Variants in ATXN1 observed in about 807,000 individuals in gnomAD.
ATXN1 encodes ataxin 1.
ATXN1 carries 8 observed loss-of-function variants against 56.4 expected under a neutral mutation model. The ratio of observed to expected loss-of-function variants is 0.14; its 90% CI spans 0.08 to 0.26. ATXN1 has a LOEUF of 0.26. ATXN1 is among the 10% of genes least tolerant of loss of function. The pLI, the probability that ATXN1 is intolerant of heterozygous loss-of-function variation, is 1.00. For synonymous variants in ATXN1, 514 were observed against 494.6 expected (o/e 1.04, Z -0.52); for missense variants, 987 against 1,106.5 (o/e 0.89, Z 1.53).
At chr6:16,542,533 C>G (rs1761734936) in intron 4 of ATXN1, among the ~76,000 whole-genome samples, 1 of 152,196 alleles carries the variant, frequency 6.6e-6, no homozygotes, top group Non-Finnish European at 1.5e-5. Flanking sequence ...GTTTTTCACA[C>G]TGGGGCTCTC....
At chr6:16,613,257 G>A (rs868040217) in intron 3 of ATXN1, among the ~76,000 whole-genome samples, 71 of 122,846 alleles carry the variant, frequency 5.8e-4, no homozygotes, top group African/African-American at 2.0e-3. Flanking sequence ...GGGCGACAGA[G>A]CGAGACTCCG....
At chr6:16,654,630 G>C (rs985656581) in intron 3 of ATXN1, among the ~76,000 whole-genome samples, 1 of 151,486 alleles carries the variant, frequency 6.6e-6, no homozygotes, top group Non-Finnish European at 1.5e-5. Context: ...GTAAGTGACA[G>C]CCAGGATTTG....
At chr6:16,346,214 C>A (rs1357623272) in intron 6 of ATXN1, among the ~76,000 whole-genome samples, 1 of 152,110 alleles carries the variant, frequency 6.6e-6, no homozygotes, top group Non-Finnish European at 1.5e-5. Flanking sequence ...TGCCACCATG[C>A]CTGGCTAGTT....
chr6:16,433,850 G>A (rs1561894195), intron 6 of ATXN1, among the ~76,000 whole-genome samples: 1 of 152,214 alleles, frequency 6.6e-6, no homozygotes, highest in Non-Finnish European at 1.5e-5. Flanking sequence ...GGCGAGCCAC[G>A]GATCGGCTCT....
intron 6 of ATXN1, among the ~76,000 whole-genome samples, chr6:16,393,393 C>G (rs1247040407): frequency 2.0e-5 from 3 of 152,212 alleles, no homozygotes; most frequent in East Asian, 1.9e-4. Flanking sequence ...TACAACCATA[C>G]CCGGCTAATT....
At chr6:16,315,685 T>C (rs1760492139) in intron 7 of ATXN1, among the ~76,000 whole-genome samples, 1 of 152,128 alleles carries the variant, frequency 6.6e-6, no homozygotes, top group African/African-American at 2.4e-5. Context: ...TATTTTGAGA[T>C]AGGGTCTTGT....
At chr6:16,636,388 C>A (rs774015713) in intron 3 of ATXN1, among the ~76,000 whole-genome samples, 5 of 152,332 alleles carry the variant, frequency 3.3e-5, no homozygotes, top group South Asian at 4.1e-4. Context: ...TGTTTCTCCC[C>A]CAGCCCCCAG....
intron 6 of ATXN1, among the ~76,000 whole-genome samples, chr6:16,367,623 C>T (rs1761951052): frequency 6.6e-6 from 1 of 152,136 alleles, no homozygotes; most frequent in East Asian, 1.9e-4. Context: ...TCCCACTTTC[C>T]TTCTTTTCCT....
intron 6 of ATXN1, among the ~76,000 whole-genome samples, chr6:16,381,295 A>T (rs986688097): frequency 2.6e-5 from 4 of 152,042 alleles, no homozygotes; most frequent in African/African-American, 9.7e-5. Context: ...TGAAAAAAAA[A>T]GGGGGAAATG....
At chr6:16,468,264 C>G (rs1760146491) in intron 6 of ATXN1, among the ~76,000 whole-genome samples, 1 of 152,232 alleles carries the variant, frequency 6.6e-6, no homozygotes, top group East Asian at 1.9e-4. Context: ...TGGCTCACTG[C>G]AAGCTCCACT....
intron 6 of ATXN1, among the ~76,000 whole-genome samples, chr6:16,376,523 A>T (rs1762143886): frequency 6.6e-6 from 1 of 152,236 alleles, no homozygotes; most frequent in African/African-American, 2.4e-5. Flanking sequence ...TATGAAGGAA[A>T]CAGCTGACAT....
At chr6:16,733,303 G>T (rs1158606101) in intron 2 of ATXN1, among the ~76,000 whole-genome samples, 1 of 152,240 alleles carries the variant, frequency 6.6e-6, no homozygotes, top group Non-Finnish European at 1.5e-5. Context: ...GCTCATGTCT[G>T]TAATCCCAAC....
intron 3 of ATXN1, among the ~76,000 whole-genome samples, chr6:16,647,801 C>A (rs1191350978): frequency 2.0e-5 from 3 of 152,284 alleles, no homozygotes; most frequent in South Asian, 2.1e-4. Flanking sequence ...TAAGGCCGGG[C>A]GCAGTGGCTC....
intron 4 of ATXN1, among the ~76,000 whole-genome samples, chr6:16,539,586 A>C (rs1035969497): frequency 6.6e-6 from 1 of 152,158 alleles, no homozygotes; most frequent in Non-Finnish European, 1.5e-5. Flanking sequence ...GTCTCTCACC[A>C]AAGGGCATGC....
rs748292110 is a variant in ATXN1 at position 16,404,105 on chromosome 6, T to C, written c.-160-75635A>G. 9.2e-5 allele frequency among the ~76,000 whole-genome samples: 14 copies of C among 152,198 alleles called. No homozygotes were observed. The South Asian group carries it at 1.2e-3, about 14-fold the overall frequency. On this transcript the variant is annotated intron_variant, in intron 6 of 7. Transcript: ENST00000436367. ...CTTAATACTGATTCAGAGCAGAAGATAGTTAACCATATCAACGTGTGTGCA... is the reference window on the plus strand; with the variant it reads ...CTTAATACTGATTCAGAGCAGAAGACAGTTAACCATATCAACGTGTGTGCA...
chr6:16,697,017 T>C (rs1759179154), intron 2 of ATXN1, among the ~76,000 whole-genome samples: 1 of 152,176 alleles, frequency 6.6e-6, no homozygotes. Context: ...GCTCACTCTT[T>C]GGGACACCAC....
intron 6 of ATXN1, among the ~76,000 whole-genome samples, chr6:16,355,310 A>G (rs1403142811): frequency 6.6e-6 from 1 of 152,166 alleles, no homozygotes; most frequent in Non-Finnish European, 1.5e-5. Context: ...TGGTAATCCA[A>G]TTTTACGGAA....
intron 4 of ATXN1, among the ~76,000 whole-genome samples, chr6:16,531,031 G>C (rs1761493636): frequency 6.6e-6 from 1 of 152,160 alleles, no homozygotes; most frequent in African/African-American, 2.4e-5. Context: ...ACATGGTCAA[G>C]GTATTGAAGA....
At chr6:16,653,700 G>A (rs191324130) in intron 3 of ATXN1, among the ~76,000 whole-genome samples, 1 of 152,272 alleles carries the variant, frequency 6.6e-6, no homozygotes, top group African/African-American at 2.4e-5. Flanking sequence ...TTCCAAAAGA[G>A]CCTCTGCCCT....
Sources: gnomAD v4.1 joint callset for allele counts (sites outside exome capture counted in the v4.1 genomes callset) on GRCh38, gnomAD v4.1.1 for gene constraint, MANE v1.5 for transcripts, NCBI Gene and HGNC (gene_info 2026-07-23, HGNC 2026-07-21) for gene names.